The following NPR3 variants were observed in gnomAD, a reference collection of about 807,000 sequenced individuals.
The protein encoded by NPR3 is natriuretic peptide receptor 3, also known as atrial natriuretic peptide receptor 3.
In NPR3, 34 loss-of-function variants were observed where a neutral mutation model predicts 54.5. The ratio of observed to expected loss-of-function variants is 0.62; its 90% CI spans 0.47 to 0.83. The LOEUF (loss-of-function observed/expected upper bound fraction) is 0.83, where lower values mean the gene tolerates loss of function less well. Ranked by LOEUF, NPR3 falls within the 40% of genes least tolerant of loss-of-function variation. The probability of loss-of-function intolerance (pLI) is 0.00; values close to 1 mark genes in which losing one functional copy is unlikely to be tolerated. For missense variants in NPR3, 674 were observed against 720.8 expected (o/e 0.94, Z 0.74); for synonymous variants, 289 against 297.1 (o/e 0.97, Z 0.28).
At chr5:32,706,092 G>A (rs1263985618), upstream of NPR3, among the ~76,000 whole-genome samples, 1 of 152,066 alleles carries the variant, frequency 6.6e-6, no homozygotes, top group African/African-American at 2.4e-5. Context: ...GCTGTCCTTG[G>A]CAATAGTGAG....
chr5:32,752,935 G>A (rs528256312), intron 3 of NPR3, among the ~76,000 whole-genome samples: 1 of 152,264 alleles, frequency 6.6e-6, no homozygotes, highest in East Asian at 1.9e-4. Flanking sequence ...TCTTTACTTA[G>A]CTTTAGTTGT....
Position 32,774,785 on chromosome 5 carries a change from T to G in NPR3, c.1137T>G (p.Gly379=). 6.2e-7 allele frequency: 1 copy of G among 1,606,206 alleles called. No homozygotes were observed. The highest frequency in any genetic ancestry group is 8.5e-7 in the Non-Finnish European group (1 of 1,172,826). ...VLALHEVLRA[G]YSKKDGGKII... ...CTCTACATGAAGTACTCAGAGCTGG[T>G]TACAGCAAAAAGGATGGAGGGAAAA... is the stretch of plus-strand genomic sequence containing the variant. The change falls in exon 4 of 8, where the codon GGT becomes GGG. Residue 379 remains glycine (G), a synonymous_variant. Coordinates refer to ENST00000265074, the MANE Select transcript of NPR3 (RefSeq NM_001204375.2).
At chr5:32,706,848 T>C (rs911236725), upstream of NPR3, among the ~76,000 whole-genome samples, 23 of 152,350 alleles carry the variant, frequency 1.5e-4, no homozygotes, top group African/African-American at 5.5e-4. Context: ...CTTGGTTTTT[T>C]AGGGATAAAC....
At chr5:32,694,302 G>T (rs776746588) in intron 1 of NPR3, among the ~76,000 whole-genome samples, 3 of 152,224 alleles carry the variant, frequency 2.0e-5, no homozygotes, top group Non-Finnish European at 2.9e-5. Context: ...TAATCAGGCA[G>T]TAGATAATTC....
Position 32,716,244 on chromosome 5 carries a change from G to A in NPR3, c.769+3699G>A, listed in dbSNP as rs527918328. The A allele has an allele frequency of 5.2e-4, 152 of 293,104 alleles. 1 individual carries two copies. Among genetic ancestry groups the A allele is most frequent in the Middle Eastern group, 1.2e-3 (1 of 846 alleles). The allele number at this position is 293,104 out of a possible 1,614,324, so 18.2% of individuals were successfully genotyped here. A position where few individuals can be genotyped will look rare whatever the true frequency, so the allele number is the denominator to read the frequency against. On this transcript the variant is annotated intron_variant, in intron 1 of 7. Transcript: ENST00000265074. ...ATTTAGTTCTACAGCTATAGAAAGT[G>A]AGAAAACTACACAAGGTTTATGAGG... is the stretch of plus-strand genomic sequence containing the variant.
At chr5:32,696,959 A>G (rs926174537) in intron 1 of NPR3, among the ~76,000 whole-genome samples, 2 of 152,102 alleles carry the variant, frequency 1.3e-5, no homozygotes, top group African/African-American at 4.8e-5. Context: ...GACTTCTTCC[A>G]TTCCAGTTTA....
intron 3 of NPR3, among the ~76,000 whole-genome samples, chr5:32,739,352 C>T (rs985303141): frequency 1.5e-4 from 23 of 152,054 alleles, no homozygotes; most frequent in African/African-American, 5.3e-4. Context: ...ACTTCCATCA[C>T]GTATTTGACT....
At chr5:32,714,478 C>G (rs1257707489) in intron 1 of NPR3, among the ~76,000 whole-genome samples, 1 of 150,858 alleles carries the variant, frequency 6.6e-6, no homozygotes, top group Non-Finnish European at 1.5e-5. Flanking sequence ...ATTCCAAAAG[C>G]CTCATAGACG....
chr5:32,745,817 T>C (rs1186074765), intron 3 of NPR3, among the ~76,000 whole-genome samples: 1 of 152,234 alleles, frequency 6.6e-6, no homozygotes, highest in Non-Finnish European at 1.5e-5. Flanking sequence ...TTTCCTATTT[T>C]TTTCTGAAGT....
chr5:32,712,443 G>A lies in NPR3; in HGVS notation c.667G>A (p.Val223Ile). Residue 223 changes from valine to isoleucine, a missense_variant, in exon 1 of 8, where the codon GTC becomes ATC. Val to Ile is a conservative substitution (Grantham distance 29, BLOSUM62 3). Transcript: ENST00000265074. Reference sequence around the variant, plus strand: ...CTTCACCCTCGAGGGGGTCCACGAGGTCTTCCAGGAGGAGGGTTTGCACAC... The same window carrying A: ...CTTCACCCTCGAGGGGGTCCACGAGATCTTCCAGGAGGAGGGTTTGCACAC... ...CYFTLEGVHE[V>I]FQEEGLHTSI... 5 of 1,611,566 alleles carry A rather than the reference G, an allele frequency of 3.1e-6. No individual in the cohort carries two copies. Among genetic ancestry groups the A allele is most frequent in the Non-Finnish European group, 4.2e-6 (5 of 1,179,230 alleles).
intron 4 of NPR3, among the ~76,000 whole-genome samples, chr5:32,777,560 G>A (rs924706729): frequency 2.0e-5 from 3 of 152,116 alleles, no homozygotes; most frequent in Admixed American, 2.0e-4. Flanking sequence ...TTAGATTTGG[G>A]GCTCATATTT....
chr5:32,719,901 C>T (rs1010808235), intron 1 of NPR3, among the ~76,000 whole-genome samples: 3 of 151,402 alleles, frequency 2.0e-5, no homozygotes, highest in Non-Finnish European at 2.9e-5. Context: ...ACATGGCATA[C>T]TCTGCTTTGC....
chr5:32,785,879 T>C (rs780201068), intron 7 of NPR3, among the ~76,000 whole-genome samples: 5 of 152,252 alleles, frequency 3.3e-5, no homozygotes, highest in African/African-American at 4.8e-5. Context: ...GTGGGAACAA[T>C]TGTATTCCTG....
chr5:32,780,434 GC>G (rs1742277119), intron 4 of NPR3, among the ~76,000 whole-genome samples: 1 of 152,192 alleles, frequency 6.6e-6, no homozygotes, highest in Non-Finnish European at 1.5e-5. Context: ...TAAGCATGCT[GC>G]TTTCAGGATT....
chr5:32,758,909 C>A (rs996429338), intron 3 of NPR3, among the ~76,000 whole-genome samples: 2 of 152,190 alleles, frequency 1.3e-5, no homozygotes, highest in African/African-American at 4.8e-5. Flanking sequence ...TGTAGTTGAG[C>A]AGTTTTGAGT....
intron 3 of NPR3, among the ~76,000 whole-genome samples, chr5:32,751,822 C>T (rs1002148408): frequency 5.9e-5 from 9 of 152,136 alleles, no homozygotes; most frequent in African/African-American, 1.2e-4. Context: ...ATAGCCCAGA[C>T]GTCACATGTT....
At chr5:32,723,671 T>C (rs1384072909) in intron 1 of NPR3, among the ~76,000 whole-genome samples, 1 of 152,226 alleles carries the variant, frequency 6.6e-6, no homozygotes, top group Non-Finnish European at 1.5e-5. Context: ...GGTGATTTAT[T>C]TGATGCAGTT....
intron 1 of NPR3, among the ~76,000 whole-genome samples, chr5:32,703,398 T>C (rs1274740716): frequency 6.6e-6 from 1 of 151,774 alleles, no homozygotes; most frequent in African/African-American, 2.4e-5. Context: ...TACTATTCCC[T>C]TTCCTTTTCT....
intron 3 of NPR3, among the ~76,000 whole-genome samples, chr5:32,758,195 A>C (rs1433154192): frequency 6.6e-6 from 1 of 152,056 alleles, no homozygotes; most frequent in Non-Finnish European, 1.5e-5. Context: ...TCCTCCTTGT[A>C]CCTCTGGTAG....
Sources: gnomAD v4.1 joint callset for allele counts (sites outside exome capture counted in the v4.1 genomes callset) on GRCh38, gnomAD v4.1.1 for gene constraint, MANE v1.5 for transcripts, NCBI Gene and HGNC (gene_info 2026-07-23, HGNC 2026-07-21) for gene names.